The following SUCLG2 variants were observed in gnomAD, a reference collection of about 807,000 sequenced individuals.
SUCLG2 encodes the protein succinate-CoA ligase GDP-forming subunit beta, also known as succinate--CoA ligase [GDP-forming] subunit beta, mitochondrial.
SUCLG2 carries 42 observed loss-of-function variants against 47.9 expected under a neutral mutation model. That is an observed-to-expected ratio of 0.88 (90% confidence interval 0.69 to 1.14). The LOEUF is 1.14. Among genes scored for constraint, SUCLG2 ranks in the 50% most tolerant of loss-of-function variants. SUCLG2 has a pLI of 0.00. For missense variants in SUCLG2, 571 were observed against 525.9 expected (o/e 1.09, Z -0.84); for synonymous variants, 195 against 197.3 (o/e 0.99, Z 0.10).
intron 1 of SUCLG2, among the ~76,000 whole-genome samples, chr3:67,644,399 G>C (rs577899055): frequency 1.3e-5 from 2 of 152,272 alleles, no homozygotes; most frequent in South Asian, 4.1e-4. Context: ...GCTATAGTAT[G>C]AATCTTTTTA....
chr3:67,453,870 T>A (rs1020022047), intron 9 of SUCLG2, among the ~76,000 whole-genome samples: 8 of 152,194 alleles, frequency 5.3e-5, no homozygotes, highest in Non-Finnish European at 1.0e-4. Flanking sequence ...TAGCTGTGTA[T>A]GCCAGAAATA....
intron 1 of SUCLG2, among the ~76,000 whole-genome samples, chr3:67,631,131 T>C (rs1455737341): frequency 2.6e-5 from 4 of 152,182 alleles, no homozygotes; most frequent in East Asian, 1.9e-4. Context: ...CACTAGCTAC[T>C]TGACAGCATT....
At chr3:67,425,467 C>T (rs2106870133) in intron 9 of SUCLG2, among the ~76,000 whole-genome samples, 1 of 152,124 alleles carries the variant, frequency 6.6e-6, no homozygotes, top group Non-Finnish European at 1.5e-5. Flanking sequence ...TAGAGAATAC[C>T]CACCCTCACC....
chr3:67,472,655 C>T (rs1704633249), intron 9 of SUCLG2, among the ~76,000 whole-genome samples: 1 of 152,038 alleles, frequency 6.6e-6, no homozygotes, highest in African/African-American at 2.4e-5. Context: ...ATGCATTGTT[C>T]AGCAGATGAC....
In SUCLG2 at chr3:67,615,562, C is replaced by T. The variant is rs1341816407; in HGVS notation, c.85-5966G>A. ...CAAGAAAATAGAAACTCAAACAAAA[C>T]GGAAGAAGCCATTTTGCCAAAAGGA... On this transcript the variant is annotated intron_variant, in intron 1 of 10. Coordinates refer to ENST00000307227, the MANE Select transcript of SUCLG2 (RefSeq NM_003848.4). Among the ~76,000 whole-genome samples the T allele has an allele frequency of 3.3e-5, 5 of 151,272 alleles. No homozygotes were observed. In the East Asian group the frequency reaches 5.9e-4, roughly 18 times the overall value.
At chr3:67,641,375 T>A (rs1375004628) in intron 1 of SUCLG2, among the ~76,000 whole-genome samples, 1 of 152,112 alleles carries the variant, frequency 6.6e-6, no homozygotes, top group Non-Finnish European at 1.5e-5. Context: ...AAAGCATGCA[T>A]CTCCAGCAAA....
At chr3:67,495,584 G>A (rs533651716) in intron 9 of SUCLG2, among the ~76,000 whole-genome samples, 118 of 151,700 alleles carry the variant, frequency 7.8e-4, no homozygotes, top group Non-Finnish European at 1.0e-4. Flanking sequence ...CCCAGGAGAC[G>A]GAGGTTGCAG....
chr3:67,526,632 T>C (rs987954513), intron 4 of SUCLG2, among the ~76,000 whole-genome samples: 1 of 152,054 alleles, frequency 6.6e-6, no homozygotes, highest in Non-Finnish European at 1.5e-5. Flanking sequence ...GAAATGCAAA[T>C]TAAAATCACA....
At position 67,439,101 on chromosome 3, in the gene SUCLG2, G is replaced by A. The variant is rs577729661; in HGVS notation, c.1063-38250C>T. Among the ~76,000 whole-genome samples the A allele has an allele frequency of 6.6e-5, 10 of 152,156 alleles. No individual in the cohort carries two copies. In the East Asian group the frequency reaches 1.5e-3, roughly 23 times the overall value. On this transcript the variant is annotated intron_variant, in intron 9 of 10. Coordinates refer to ENST00000307227, the MANE Select transcript of SUCLG2 (RefSeq NM_003848.4). ...GTTCAACATACACAAATCAATTAAC[G>A]TAATCCATCACATAAACAGAACCAA...
chr3:67,635,570 T>A (rs142499722), intron 1 of SUCLG2, among the ~76,000 whole-genome samples: 1 of 152,182 alleles, frequency 6.6e-6, no homozygotes, highest in Non-Finnish European at 1.5e-5. Context: ...GTGTTGTTCA[T>A]GAAATACCTT....
At chr3:67,381,018 A>T (rs1207949599) in intron 10 of SUCLG2, among the ~76,000 whole-genome samples, 1 of 151,946 alleles carries the variant, frequency 6.6e-6, no homozygotes, top group African/African-American at 2.4e-5. Flanking sequence ...CGCAGAGAAG[A>T]GGGATTAAAA....
At position 67,422,186 on chromosome 3, in the gene SUCLG2, CA is replaced by C. The variant is rs1209482926; in HGVS notation, c.1063-21336del. ...ATGACAGGGAAGTTTAAAAAAAGAA[CA>C]TTCAGGCTGGGCACAGTGGCTCATG... On this transcript the variant is annotated intron_variant, in intron 9 of 10. Transcript: ENST00000307227. 2.2e-3 allele frequency among the ~76,000 whole-genome samples: 337 copies of C among 152,034 alleles called. 1 individual carries two copies. Among genetic ancestry groups the C allele is most frequent in the African/African-American group, 7.7e-3 (319 of 41,458 alleles).
chr3:67,630,525 T>C (rs1437017339), intron 1 of SUCLG2, among the ~76,000 whole-genome samples: 2 of 152,246 alleles, frequency 1.3e-5, no homozygotes, highest in Non-Finnish European at 2.9e-5. Context: ...TAAATGTCCA[T>C]TCATTTGATA....
intron 2 of SUCLG2, among the ~76,000 whole-genome samples, chr3:67,582,483 T>C (rs1201140356): frequency 6.6e-6 from 1 of 152,230 alleles, no homozygotes; most frequent in Non-Finnish European, 1.5e-5. Context: ...TTCCATGCTA[T>C]ATATGTACCA....
intron 4 of SUCLG2, among the ~76,000 whole-genome samples, chr3:67,523,820 T>A (rs1466498887): frequency 6.6e-6 from 1 of 152,212 alleles, no homozygotes; most frequent in Non-Finnish European, 1.5e-5. Flanking sequence ...TAGAGAATAA[T>A]ACTTAATGAC....
chr3:67,408,445 A>T, intron 9 of SUCLG2: 2 of 204,042 alleles, frequency 9.8e-6, no homozygotes, highest in Non-Finnish European at 1.7e-5. Flanking sequence ...TGGGCATTTT[A>T]AATTCATCAA....
At position 67,449,027 on chromosome 3, in the gene SUCLG2, A is replaced by C. The variant is rs150533131; in HGVS notation, c.1062+46771T>G. Among the ~76,000 whole-genome samples the C allele has an allele frequency of 8.3e-3, 1,268 of 152,324 alleles. 21 individuals are homozygous for C. The highest frequency in any genetic ancestry group is 0.029 in the African/African-American group (1,205 of 41,566). On this transcript the variant is annotated intron_variant, in intron 9 of 10. Transcript: ENST00000307227. ...TTTCTTGCTTTTTTGCTTTCACAGA[A>C]ACACATTATTTTACATTTACTTTAT... is the stretch of plus-strand genomic sequence containing the variant.
chr3:67,475,148 C>A (rs1328532853), intron 9 of SUCLG2, among the ~76,000 whole-genome samples: 1 of 152,164 alleles, frequency 6.6e-6, no homozygotes, highest in Non-Finnish European at 1.5e-5. Context: ...ACATACAACT[C>A]AGAGTTCCCA....
At chr3:67,649,443 G>A (rs920108273) in intron 1 of SUCLG2, among the ~76,000 whole-genome samples, 1 of 152,188 alleles carries the variant, frequency 6.6e-6, no homozygotes, top group Non-Finnish European at 1.5e-5. Context: ...TGATTTTTCA[G>A]TTGTGGGGGT....
Sources: allele counts gnomAD v4.1 joint callset (sites outside exome capture counted in the v4.1 genomes callset), GRCh38; gene constraint gnomAD v4.1.1; transcripts MANE v1.5; gene names NCBI Gene and HGNC (gene_info 2026-07-23, HGNC 2026-07-21).